Variants in DLGAP1 observed in about 807,000 individuals in gnomAD.
The protein encoded by DLGAP1 is disks large-associated protein 1.
In DLGAP1, 11 loss-of-function variants were observed where a neutral mutation model predicts 90.8. The observed-to-expected ratio is 0.12, with a 90% confidence interval of 0.08 to 0.20. The LOEUF is 0.20. Among genes scored for constraint, DLGAP1 ranks in the 10% least tolerant of loss-of-function variants. The pLI, the probability that DLGAP1 is intolerant of heterozygous loss-of-function variation, is 1.00. For missense variants in DLGAP1, 1,050 were observed against 1,333.8 expected (o/e 0.79, Z 3.31); for synonymous variants, 558 against 540.7 (o/e 1.03, Z -0.44).
chr18:4,442,005 C>T (rs8092780), intron 1 of DLGAP1, among the ~76,000 whole-genome samples: 99,939 of 151,830 alleles, frequency 0.66, 33,281 homozygotes, highest in East Asian at 0.74. Context: ...TTTGTTTGTT[C>T]TTTTGAGACA....
intron 1 of DLGAP1, among the ~76,000 whole-genome samples, chr18:4,353,035 C>T (rs1429019493): frequency 1.3e-5 from 2 of 152,160 alleles, no homozygotes; most frequent in Non-Finnish European, 2.9e-5. Context: ...TTATCATCTG[C>T]AAGAAAGCCC....
At position 3,545,981 on chromosome 18, in the gene DLGAP1, A is replaced by G. The variant is rs561263475; in HGVS notation, c.2058-11366T>C. Among the ~76,000 whole-genome samples, 9 of 152,368 alleles carry G rather than the reference A, an allele frequency of 5.9e-5. 1 individual carries two copies. The highest frequency in any genetic ancestry group is 1.9e-4 in the African/African-American group (8 of 41,592). On this transcript the variant is annotated intron_variant, in intron 9 of 12. Coordinates refer to ENST00000315677, the MANE Select transcript of DLGAP1 (RefSeq NM_004746.4). ...ACATAAAGCAAGCACTGATAGAACTACTAGAAGAAATAGACAAATTCACAA... is the reference window on the plus strand; with the variant it reads ...ACATAAAGCAAGCACTGATAGAACTGCTAGAAGAAATAGACAAATTCACAA...
In DLGAP1 at chr18:3,549,413, A is replaced by C. The variant is rs371489091; in HGVS notation, c.2058-14798T>G. On this transcript the variant is annotated intron_variant, in intron 9 of 12. Coordinates refer to ENST00000315677, the MANE Select transcript of DLGAP1 (RefSeq NM_004746.4). ...AGTGGCGCAATCTCGGCTCACTGCA[A>C]CCTCCGCCTCCCAGGTTCAAGGGAT... 7.3e-5 allele frequency among the ~76,000 whole-genome samples: 11 copies of C among 151,440 alleles called. No homozygotes were observed. The East Asian group carries it at 2.2e-3, about 30-fold the overall frequency.
intron 10 of DLGAP1, among the ~76,000 whole-genome samples, chr18:3,512,633 C>A (rs2050609149): frequency 6.6e-6 from 1 of 152,180 alleles, no homozygotes. Flanking sequence ...AACTCACAAA[C>A]AGGCATCTAA....
At chr18:3,888,113 A>AAAAAAAAAAAAAAAAAAAAAAC (rs1167245077) in intron 3 of DLGAP1, among the ~76,000 whole-genome samples, 2 of 146,138 alleles carry the variant, frequency 1.4e-5, no homozygotes, top group African/African-American at 5.2e-5. Flanking sequence ...ATCTCAAAAA[A>AAAAAAAAAAAAAAAAAAAAAAC]AAAAAAAAAA....
rs73940050 is a variant in DLGAP1, at chr18:3,590,405, C to T, written c.1592-8157G>A. 7.2e-3 allele frequency among the ~76,000 whole-genome samples: 1,093 copies of T among 152,216 alleles called. 6 individuals are homozygous for T. The highest frequency in any genetic ancestry group is 0.025 in the African/African-American group (1,037 of 41,516). On this transcript the variant is annotated intron_variant, in intron 7 of 12. Transcript: ENST00000315677. ...TGGAAATCAGCAAATGCCTGAAATC[C>T]AGGTTCCCCCCTGTGGATTTTCTTC... is the stretch of plus-strand genomic sequence containing the variant.
At chr18:3,702,530 T>G (rs974255810) in intron 7 of DLGAP1, among the ~76,000 whole-genome samples, 8 of 152,152 alleles carry the variant, frequency 5.3e-5, no homozygotes, top group Admixed American at 5.2e-4. Flanking sequence ...ACTTCCTGCA[T>G]GCAGGCGCCC....
At chr18:3,988,196 C>A (rs2073882511) in intron 3 of DLGAP1, among the ~76,000 whole-genome samples, 1 of 152,002 alleles carries the variant, frequency 6.6e-6, no homozygotes, top group Non-Finnish European at 1.5e-5. Flanking sequence ...TCACTGCAAT[C>A]TCAGGATATT....
chr18:4,184,806 G>A (rs747612740), intron 1 of DLGAP1, among the ~76,000 whole-genome samples: 46 of 152,056 alleles, frequency 3.0e-4, no homozygotes, highest in African/African-American at 1.1e-3. Context: ...CATCTCTGAT[G>A]GATGAAGGAA....
chr18:3,534,695 T>TC, intron 9 of DLGAP1, 80 bp from the exon 10 acceptor site: 1 of 177,222 alleles, frequency 5.6e-6, no homozygotes, highest in Non-Finnish European at 7.8e-6. Context: ...CCTTTCTTTC[T>TC]TTTTTTTTTT....
At chr18:3,616,332 G>A (rs1401703276) in intron 7 of DLGAP1, among the ~76,000 whole-genome samples, 1 of 152,164 alleles carries the variant, frequency 6.6e-6, no homozygotes, top group Non-Finnish European at 1.5e-5. Flanking sequence ...CTATCACTGT[G>A]GCACAGCCCT....
chr18:3,537,678 G>A (rs952770417), intron 9 of DLGAP1, among the ~76,000 whole-genome samples: 2 of 152,068 alleles, frequency 1.3e-5, no homozygotes, highest in Non-Finnish European at 1.5e-5. Flanking sequence ...ATTTTTTGAG[G>A]AACAACCCTA....
At chr18:4,435,148 G>C (rs559214580) in intron 1 of DLGAP1, among the ~76,000 whole-genome samples, 3 of 152,282 alleles carry the variant, frequency 2.0e-5, no homozygotes, top group South Asian at 2.1e-4. Flanking sequence ...ATTGAACATG[G>C]AATGAGAAGT....
chr18:4,292,747 CTT>C (rs1002014445), intron 1 of DLGAP1, among the ~76,000 whole-genome samples: 1 of 152,102 alleles, frequency 6.6e-6, no homozygotes, highest in African/African-American at 2.4e-5. Flanking sequence ...CAAGGGTAGT[CTT>C]TTCTCTCCCC....
chr18:4,448,559 G>C (rs2083727114), intron 1 of DLGAP1, among the ~76,000 whole-genome samples: 1 of 152,032 alleles, frequency 6.6e-6, no homozygotes, highest in African/African-American at 2.4e-5. Flanking sequence ...ATAAAAACAT[G>C]GTGCATGTTC....
At chr18:3,882,235 G>A (rs1393362915) in intron 3 of DLGAP1, among the ~76,000 whole-genome samples, 2 of 151,954 alleles carry the variant, frequency 1.3e-5, no homozygotes, top group African/African-American at 2.4e-5. Context: ...TAAGGTTTCT[G>A]GTTGAGTATT....
intron 1 of DLGAP1, among the ~76,000 whole-genome samples, chr18:4,288,655 GA>G (rs952365820): frequency 2.0e-5 from 3 of 151,958 alleles, no homozygotes; most frequent in African/African-American, 4.8e-5. Flanking sequence ...CTCGCAGGGG[GA>G]AAAAAGGAGA....
At chr18:4,326,875 G>T (rs906863035) in intron 1 of DLGAP1, among the ~76,000 whole-genome samples, 8 of 151,972 alleles carry the variant, frequency 5.3e-5, no homozygotes, top group African/African-American at 1.9e-4. Context: ...AGAAGGGAGA[G>T]AATCAGAAAA....
intron 3 of DLGAP1, among the ~76,000 whole-genome samples, chr18:3,967,318 T>C (rs927161888): frequency 2.0e-5 from 3 of 152,262 alleles, no homozygotes; most frequent in African/African-American, 7.2e-5. Flanking sequence ...GATTATGAAC[T>C]GATGAGCTCA....
Sources: allele counts gnomAD v4.1 joint callset (sites outside exome capture counted in the v4.1 genomes callset), GRCh38; gene constraint gnomAD v4.1.1; transcripts MANE v1.5; gene names NCBI Gene and HGNC (gene_info 2026-07-23, HGNC 2026-07-21).